Variants in ARMH4 observed in about 807,000 individuals in gnomAD.
ARMH4 encodes armadillo like helical domain containing 4, also known as armadillo-like helical domain-containing protein 4.
In ARMH4, 49 loss-of-function variants were observed where a neutral mutation model predicts 61.9. The ratio of observed to expected loss-of-function variants is 0.79; its 90% CI spans 0.63 to 1.00. The LOEUF (loss-of-function observed/expected upper bound fraction) is 1.00, where lower values mean the gene tolerates loss of function less well. Ranked by LOEUF, ARMH4 falls within the 50% of genes least tolerant of loss-of-function variation. ARMH4 has a pLI of 0.00. For missense variants in ARMH4, 934 were observed against 930.0 expected (o/e 1.00, Z -0.06); for synonymous variants, 368 against 341.5 (o/e 1.08, Z -0.85).
intron 4 of ARMH4, among the ~76,000 whole-genome samples, chr14:58,112,940 C>A (rs960139174): frequency 6.6e-6 from 1 of 152,072 alleles, no homozygotes; most frequent in African/African-American, 2.4e-5. Context: ...ATTGTTCTTT[C>A]ATTTCATTAC....
At chr14:58,095,036 T>C (rs1211465648) in intron 5 of ARMH4, among the ~76,000 whole-genome samples, 2 of 152,200 alleles carry the variant, frequency 1.3e-5, no homozygotes, top group African/African-American at 4.8e-5. Flanking sequence ...CAAATGATCA[T>C]TTTAGCCTTG....
chr14:58,021,842 CA>C (rs962004794), intron 5 of ARMH4, among the ~76,000 whole-genome samples: 1 of 152,142 alleles, frequency 6.6e-6, no homozygotes. Context: ...ATTGATCAAA[CA>C]AAACCTTTGT....
At chr14:58,048,011 G>C (rs1883997582) in intron 5 of ARMH4, among the ~76,000 whole-genome samples, 1 of 152,162 alleles carries the variant, frequency 6.6e-6, no homozygotes, top group Non-Finnish European at 1.5e-5. Flanking sequence ...AAGCAGAACA[G>C]GAAAATGCCT....
chr14:58,053,768 T>C (rs903550639), intron 5 of ARMH4, among the ~76,000 whole-genome samples: 1 of 152,198 alleles, frequency 6.6e-6, no homozygotes, highest in African/African-American at 2.4e-5. Context: ...GATCCTCACC[T>C]AAGGATCCTC....
intron 5 of ARMH4, among the ~76,000 whole-genome samples, chr14:58,057,361 A>G (rs905009360): frequency 6.6e-6 from 1 of 152,238 alleles, no homozygotes; most frequent in Non-Finnish European, 1.5e-5. Context: ...AGCAGTTTAC[A>G]TATGCATTAA....
chr14:58,064,214 T>C (rs891555549), intron 5 of ARMH4, among the ~76,000 whole-genome samples: 4 of 150,776 alleles, frequency 2.7e-5, no homozygotes, highest in Non-Finnish European at 5.9e-5. Flanking sequence ...ACTCCCTGAA[T>C]AGCTTAACAT....
chr14:58,053,520 T>C (rs1034270074), intron 5 of ARMH4, among the ~76,000 whole-genome samples: 1 of 152,176 alleles, frequency 6.6e-6, no homozygotes, highest in Non-Finnish European at 1.5e-5. Context: ...CCTGCTTCCC[T>C]TCTCTATATA....
At chr14:58,143,584 C>T (rs1044113878) in intron 1 of ARMH4, among the ~76,000 whole-genome samples, 4 of 151,808 alleles carry the variant, frequency 2.6e-5, no homozygotes, top group African/African-American at 9.7e-5. Context: ...CTGCCTCAGC[C>T]TCCCAAATAG....
chr14:58,138,401 C>CT lies in ARMH4; in HGVS notation c.957dup (p.Glu320ArgfsTer15), dbSNP rs753519542. The CT allele has an allele frequency of 1.9e-6, 3 of 1,614,204 alleles. No individual in the cohort carries two copies. The African/African-American group carries it at 4.0e-5, about 22-fold the overall frequency. On this transcript the variant is annotated frameshift_variant, in exon 2 of 8. Transcript: ENST00000267485. LOFTEE classifies it high-confidence loss of function. Reference sequence around the variant, plus strand: ...GGGGTCCTTATCCGGCTTACACTCTCTAATTTGGTGTCATCCCACTCATCA... The same window carrying CT: ...GGGGTCCTTATCCGGCTTACACTCTCTTAATTTGGTGTCATCCCACTCATCA...
chr14:58,096,622 T>C (rs998050539), intron 5 of ARMH4, 102 bp downstream of exon 5: 1 of 1,346,728 alleles, frequency 7.4e-7, no homozygotes, highest in South Asian at 1.5e-5. Context: ...ACAAAGAAAA[T>C]CCATTTTTCT....
In ARMH4 at chr14:58,138,833, T is replaced by G; in HGVS notation, c.526A>C (p.Ile176Leu). Residue 176 changes from isoleucine (I) to leucine (L), a missense_variant, in exon 2 of 8, where the codon ATC becomes CTC. Coordinates refer to ENST00000267485, the MANE Select transcript of ARMH4 (RefSeq NM_001001872.4). ...AGAAAACCTTTTGTGGTTTCTGTGATCTCTTCTACAATGGGCTGAAAGTTA... is the reference window on the plus strand; with the variant it reads ...AGAAAACCTTTTGTGGTTTCTGTGAGCTCTTCTACAATGGGCTGAAAGTTA... Reference protein sequence around the residue: ...STNFQPIVEEITETTKGFLKY... With the variant: ...STNFQPIVEELTETTKGFLKY... The G allele has an allele frequency of 2.5e-6, 4 of 1,614,246 alleles. No homozygotes were observed. The highest frequency in any genetic ancestry group is 3.4e-6 in the Non-Finnish European group (4 of 1,180,038).
intron 5 of ARMH4, among the ~76,000 whole-genome samples, chr14:58,067,587 C>T (rs991328206): frequency 3.3e-5 from 5 of 152,116 alleles, no homozygotes; most frequent in African/African-American, 1.2e-4. Context: ...AGTGTTTGTG[C>T]GGTCTGCTCC....
chr14:58,141,977 T>C (rs529065839), intron 1 of ARMH4, among the ~76,000 whole-genome samples: 1 of 152,278 alleles, frequency 6.6e-6, no homozygotes, highest in Admixed American at 6.5e-5. Flanking sequence ...ATTATTGTAG[T>C]ATTTGAAATA....
rs1594779918 is a variant in ARMH4, at chr14:58,138,357, T to G, written c.1002A>C (p.Glu334Asp). Reference sequence around the variant, plus strand: ...ACATCTCCGTTCTCACCTGAGTCTCTTCATTGTCTCCAAGCTTGGGGGTCC... The same window carrying G: ...ACATCTCCGTTCTCACCTGAGTCTCGTCATTGTCTCCAAGCTTGGGGGTCC... ...RIRTPKLGDN[E>D]ETQVRTEMSQ... The change falls in exon 2 of 8, where the codon GAA (glutamate) becomes GAC (aspartate). Residue 334 changes from glutamate (E) to aspartate (D), a missense_variant. Coordinates refer to ENST00000267485, the MANE Select transcript of ARMH4 (RefSeq NM_001001872.4). 1.9e-6 allele frequency: 3 copies of G among 1,614,192 alleles called. No homozygotes were observed. Among genetic ancestry groups the G allele is most frequent in the Non-Finnish European group, 1.7e-6 (2 of 1,180,036 alleles).
At chr14:58,135,885 C>G (rs557337810) in intron 2 of ARMH4, among the ~76,000 whole-genome samples, 1 of 152,002 alleles carries the variant, frequency 6.6e-6, no homozygotes. Context: ...AACATTTTGG[C>G]TATTGTATAA....
intron 5 of ARMH4, among the ~76,000 whole-genome samples, chr14:58,043,978 T>C (rs990801327): frequency 2.0e-5 from 3 of 152,292 alleles, no homozygotes; most frequent in African/African-American, 7.2e-5. Flanking sequence ...TACAAACAAA[T>C]GGAAGAACAT....
intron 5 of ARMH4, among the ~76,000 whole-genome samples, chr14:58,030,590 C>T (rs950586417): frequency 6.6e-6 from 1 of 152,212 alleles, no homozygotes; most frequent in Non-Finnish European, 1.5e-5. Context: ...TCAAGTAACA[C>T]TGAAACTCTA....
intron 5 of ARMH4, among the ~76,000 whole-genome samples, chr14:58,038,930 T>C (rs1201885957): frequency 6.6e-6 from 1 of 152,212 alleles, no homozygotes; most frequent in African/African-American, 2.4e-5. Context: ...AAGAAAGTCA[T>C]GGAAATGCAC....
intron 5 of ARMH4, among the ~76,000 whole-genome samples, chr14:58,028,686 T>C (rs1205114286): frequency 6.6e-6 from 1 of 152,160 alleles, no homozygotes; most frequent in Non-Finnish European, 1.5e-5. Context: ...CAGGACACCA[T>C]GGCTGCAGTG....
Sources: allele counts gnomAD v4.1 joint callset (sites outside exome capture counted in the v4.1 genomes callset), GRCh38; gene constraint gnomAD v4.1.1; transcripts MANE v1.5; gene names NCBI Gene and HGNC (gene_info 2026-07-23, HGNC 2026-07-21).